The following INPP4B variants were observed in gnomAD, a reference collection of about 807,000 sequenced individuals.
INPP4B encodes inositol polyphosphate-4-phosphatase type II B.
In INPP4B, 55 loss-of-function variants were observed where a neutral mutation model predicts 122.5. The observed-to-expected ratio is 0.45, with a 90% CI of 0.36 to 0.56. The LOEUF is 0.56. Among genes scored for constraint, INPP4B ranks in the 20% least tolerant of loss-of-function variants. The pLI is 0.00. For synonymous variants in INPP4B, 403 were observed against 388.7 expected, an observed-to-expected ratio of 1.04 and a Z score of -0.43; for missense variants, 1,000 against 1,097.7, an observed-to-expected ratio of 0.91 and a Z score of 1.26.
chr4:142,266,191 T>C (rs1311260268), intron 10 of INPP4B, among the ~76,000 whole-genome samples: 2 of 152,146 alleles, frequency 1.3e-5, no homozygotes, highest in East Asian at 3.9e-4. Flanking sequence ...ATGAGTCTTA[T>C]ATAGAACTAC....
At chr4:142,462,597 C>T (rs544498702) in intron 3 of INPP4B, 66 bp downstream of exon 3, 52 of 152,178 alleles carry the variant, frequency 3.4e-4, no homozygotes, top group Middle Eastern at 3.4e-3. Context: ...TTAATAAGCT[C>T]GAATTAATCA....
At chr4:142,672,665 CAT>C (rs1248786826) in intron 2 of INPP4B, among the ~76,000 whole-genome samples, 1 of 152,090 alleles carries the variant, frequency 6.6e-6, no homozygotes, top group Non-Finnish European at 1.5e-5. Context: ...CCATATCACA[CAT>C]GTGTTTTGCA....
At chr4:142,517,629 C>T (rs1825578811) in intron 2 of INPP4B, among the ~76,000 whole-genome samples, 1 of 152,212 alleles carries the variant, frequency 6.6e-6, no homozygotes, top group Non-Finnish European at 1.5e-5. Flanking sequence ...CTAAACTGAC[C>T]TTAACATCTC....
chr4:142,315,675 A>T (rs1266065790), intron 7 of INPP4B, among the ~76,000 whole-genome samples: 1 of 151,540 alleles, frequency 6.6e-6, no homozygotes, highest in African/African-American at 2.4e-5. Context: ...AGAAAAAGAT[A>T]GGGAACATAA....
In INPP4B at chr4:142,029,097, A is replaced by T. The variant is rs987917860; in HGVS notation, c.2643-183T>A. 5 of 1,331,594 alleles carry T rather than the reference A, an allele frequency of 3.8e-6. No individual in the cohort carries two copies. In the Admixed American group the frequency reaches 1.1e-4, roughly 29 times the overall value. 82.5% of individuals were successfully genotyped at this position (1,331,594 alleles called of 1,614,324 possible). A position where few individuals can be genotyped will look rare whatever the true frequency, so the allele number is the denominator to read the frequency against. On this transcript the variant is annotated intron_variant, in intron 25 of 25. Coordinates refer to ENST00000262992, the MANE Select transcript of INPP4B (RefSeq NM_001101669.3). ...TAAATCCTAGGCCAGGCCCAATACC[A>T]TTATTGCCCTCTGAAAGAGATGACT...
chr4:142,775,403 A>G (rs1773703378), intron 1 of INPP4B, among the ~76,000 whole-genome samples: 1 of 152,056 alleles, frequency 6.6e-6, no homozygotes, highest in Admixed American at 6.6e-5. Flanking sequence ...TCTGCCATTT[A>G]TTTACTTATT....
intron 9 of INPP4B, among the ~76,000 whole-genome samples, chr4:142,303,493 C>G (rs1172300716): frequency 1.3e-5 from 2 of 152,054 alleles, no homozygotes; most frequent in African/African-American, 2.4e-5. Context: ...TTAAGGCTGA[C>G]CTAAGGCTCT....
chr4:142,153,251 G>T (rs939813934), intron 17 of INPP4B, among the ~76,000 whole-genome samples: 10 of 152,144 alleles, frequency 6.6e-5, no homozygotes, highest in African/African-American at 2.4e-4. Flanking sequence ...AGTGTGTTGT[G>T]CACAACCATT....
chr4:142,466,027 T>C (rs1218386305), intron 2 of INPP4B, among the ~76,000 whole-genome samples: 1 of 152,154 alleles, frequency 6.6e-6, no homozygotes, highest in Non-Finnish European at 1.5e-5. Context: ...AGGTATTCCT[T>C]TATAGCAACA....
At chr4:142,058,460 A>C (rs1005644762) in intron 25 of INPP4B, among the ~76,000 whole-genome samples, 2 of 152,074 alleles carry the variant, frequency 1.3e-5, no homozygotes, top group Non-Finnish European at 2.9e-5. Context: ...TTTTCCCTGA[A>C]AGTAACTTTG....
chr4:142,572,994 G>A (rs1733140465), intron 2 of INPP4B, among the ~76,000 whole-genome samples: 1 of 151,802 alleles, frequency 6.6e-6, no homozygotes, highest in South Asian at 2.1e-4. Context: ...CTGAGACTGG[G>A]TAATTTATGA....
chr4:142,696,126 A>G (rs1211406650), intron 2 of INPP4B, among the ~76,000 whole-genome samples: 1 of 152,188 alleles, frequency 6.6e-6, no homozygotes, highest in Non-Finnish European at 1.5e-5. Context: ...CTAGAAGGGC[A>G]GTGTTTACAG....
At chr4:142,433,987 T>C (rs1271983638) in intron 3 of INPP4B, among the ~76,000 whole-genome samples, 1 of 152,138 alleles carries the variant, frequency 6.6e-6, no homozygotes, top group African/African-American at 2.4e-5. Flanking sequence ...AGGTGTCAGA[T>C]TTCTTAGTGA....
intron 12 of INPP4B, among the ~76,000 whole-genome samples, chr4:142,226,359 C>T (rs1851590616): frequency 6.6e-6 from 1 of 152,122 alleles, no homozygotes; most frequent in Non-Finnish European, 1.5e-5. Context: ...AACCAGCTGC[C>T]ATTTCTCCCA....
intron 2 of INPP4B, among the ~76,000 whole-genome samples, chr4:142,508,006 AC>A (rs1272259333): frequency 6.6e-6 from 1 of 152,060 alleles, no homozygotes. Context: ...AAGCATTACA[AC>A]CTTAGAAAAC....
At chr4:142,109,031 A>C (rs1174061034) in intron 22 of INPP4B, among the ~76,000 whole-genome samples, 1 of 152,028 alleles carries the variant, frequency 6.6e-6, no homozygotes, top group Non-Finnish European at 1.5e-5. Flanking sequence ...GCATGTCCCC[A>C]ATATTTTGGC....
chr4:142,648,068 C>T (rs955283666), intron 2 of INPP4B, among the ~76,000 whole-genome samples: 1 of 152,242 alleles, frequency 6.6e-6, no homozygotes, highest in African/African-American at 2.4e-5. Flanking sequence ...TAGAAAGGAA[C>T]TCACTGCTTC....
At chr4:142,162,925 G>GA (rs576122018) in intron 16 of INPP4B, among the ~76,000 whole-genome samples, 32 of 151,928 alleles carry the variant, frequency 2.1e-4, no homozygotes, top group African/African-American at 7.7e-4. Context: ...CCTGTGTAGA[G>GA]AATCACATTT....
chr4:142,067,784 A>G (rs1764447518), intron 25 of INPP4B, among the ~76,000 whole-genome samples: 1 of 152,198 alleles, frequency 6.6e-6, no homozygotes, highest in Non-Finnish European at 1.5e-5. Context: ...TTAGAGAAAA[A>G]AGAGTAAAAA....
Sources: allele counts gnomAD v4.1 joint callset (sites outside exome capture counted in the v4.1 genomes callset), GRCh38; gene constraint gnomAD v4.1.1; transcripts MANE v1.5; gene names NCBI Gene and HGNC (gene_info 2026-07-23, HGNC 2026-07-21).